Variants in DTYMK observed in about 807,000 individuals in gnomAD.
DTYMK encodes thymidylate kinase.
A neutral mutation model predicts 20.3 loss-of-function variants in DTYMK; 20 were observed. The observed-to-expected ratio is 0.99, with a 90% confidence interval of 0.69 to 1.43. DTYMK has a LOEUF of 1.43. Ranked by LOEUF, DTYMK falls within the 40% of genes most tolerant of loss-of-function variation. DTYMK has a pLI of 0.00. For missense variants in DTYMK, 320 were observed against 291.1 expected, an observed-to-expected ratio of 1.10 and a Z score of -0.72; for synonymous variants, 148 against 124.4, an observed-to-expected ratio of 1.19 and a Z score of -1.27.
intron 4 of DTYMK, among the ~76,000 whole-genome samples, chr2:241,677,018 G>A (rs137914861): frequency 1.1e-3 from 170 of 152,372 alleles, no homozygotes; most frequent in African/African-American, 3.5e-3. Context: ...TGCGAGGAGC[G>A]TGGGGAGGGC....
chr2:241,676,370 G>C (rs533234057), intron 4 of DTYMK, 133 bp from the exon 5 acceptor site: 9 of 770,276 alleles, frequency 1.2e-5, no homozygotes, highest in Admixed American at 5.6e-5. Context: ...AGGAGTTCAA[G>C]ACCAGCCTGG....
Position 241,678,567 on chromosome 2 carries a change from G to A in DTYMK, c.413C>T (p.Ala138Val), listed in dbSNP as rs757118618. The change falls in exon 4 of 5, where the codon GCG (alanine) becomes GTG (valine). Residue 138 changes from alanine (A) to valine (V), a missense_variant. Coordinates refer to ENST00000305784, the MANE Select transcript of DTYMK (RefSeq NM_012145.4). ...AAACGCTCCCCGCTTGGCAGCATCCGCCAGCTGTAACTGGAGGAACAGGAC... is the reference window on the plus strand; with the variant it reads ...AAACGCTCCCCGCTTGGCAGCATCCACCAGCTGTAACTGGAGGAACAGGAC... Reference protein sequence around the residue: ...DLVLFLQLQLADAAKRGAFGH... With the variant: ...DLVLFLQLQLVDAAKRGAFGH... The A allele has an allele frequency of 6.8e-6, 11 of 1,614,076 alleles. No homozygotes were observed. The highest frequency in any genetic ancestry group is 5.3e-5 in the African/African-American group (4 of 74,932).
intron 2 of DTYMK, among the ~76,000 whole-genome samples, chr2:241,683,373 G>A (rs933960222): frequency 6.6e-5 from 10 of 152,258 alleles, no homozygotes; most frequent in Admixed American, 3.3e-4. Context: ...TCCAACCCAA[G>A]GCCCGCAGGC....
chr2:241,679,163 C>A (rs1162775786), intron 3 of DTYMK, among the ~76,000 whole-genome samples: 1 of 152,192 alleles, frequency 6.6e-6, no homozygotes, highest in East Asian at 1.9e-4. Flanking sequence ...ATCCACTGGC[C>A]CTTCTTGCCA....
chr2:241,676,180 C>G lies in DTYMK; in HGVS notation c.586G>C (p.Glu196Gln). The stretch of plus-strand genomic sequence containing the variant: ...TCTGTGGCAGTGCGGATGGCGTCCT[C>G]AGAGAGCACGCGGATGTCCTCATGG... ...AVHEDIRVLSEDAIRTATEKP... is the reference protein window; with the variant it reads ...AVHEDIRVLSQDAIRTATEKP... The change falls in exon 5 of 5, where the codon GAG becomes CAG. Residue 196 changes from glutamate (E) to glutamine (Q), a missense_variant. By Grantham distance (29) the Glu-to-Gln change is conservative (BLOSUM62 2). Transcript: ENST00000305784. The G allele has an allele frequency of 2.5e-6, 4 of 1,613,264 alleles. No homozygotes were observed. Among genetic ancestry groups the G allele is most frequent in the Non-Finnish European group, 3.4e-6 (4 of 1,179,758 alleles).
At chr2:241,684,704 G>C (rs934547005) in intron 2 of DTYMK, 1 of 461,462 alleles carries the variant, frequency 2.2e-6, no homozygotes, top group Non-Finnish European at 4.5e-6. Flanking sequence ...TAAAAACATT[G>C]AAAGAACACA....
In DTYMK at chr2:241,685,292, G is replaced by A. The variant is rs35253177; in HGVS notation, c.239+477C>T. On this transcript the variant is annotated intron_variant, in intron 2 of 4. Coordinates refer to ENST00000305784, the MANE Select transcript of DTYMK (RefSeq NM_012145.4). ...CGAGGCGAGTGGATCACAAGGTCAAGAGAGACCATCCTGGCCAACATGGTG... is the reference window on the plus strand; with the variant it reads ...CGAGGCGAGTGGATCACAAGGTCAAAAGAGACCATCCTGGCCAACATGGTG... 1.1e-3 allele frequency: 176 copies of A among 153,946 alleles called. 1 individual carries two copies. The East Asian group carries it at 0.023, about 20-fold the overall frequency. The allele number at this position is 153,946 out of a possible 1,614,324, so 9.5% of individuals were successfully genotyped here. A position where few individuals can be genotyped will look rare whatever the true frequency, so the allele number is the denominator to read the frequency against.
In DTYMK at chr2:241,679,164, C is replaced by T. The variant is rs201170607; in HGVS notation, c.331-515G>A. Among the ~76,000 whole-genome samples, 10 of 152,332 alleles carry T rather than the reference C, an allele frequency of 6.6e-5. No homozygotes were observed. The East Asian group carries it at 1.5e-3, about 24-fold the overall frequency. On this transcript the variant is annotated intron_variant, in intron 3 of 4. Transcript: ENST00000305784. ...GCCAGCCTAGTCTCATCCACTGGCC[C>T]TTCTTGCCAGGGCTGTGCCAGCACC...
In DTYMK at chr2:241,685,413, G is replaced by C. The variant is rs527580302; in HGVS notation, c.239+356C>G. The C allele has an allele frequency of 4.6e-5, 8 of 173,218 alleles. No individual in the cohort carries two copies. The South Asian group carries it at 1.4e-3, about 31-fold the overall frequency. 10.7% of individuals were successfully genotyped at this position (173,218 alleles called of 1,614,324 possible). The stretch of plus-strand genomic sequence containing the variant: ...CTGAGCATGCTGGGGCGCGCCTGTA[G>C]TCCCAGCTACTCGGGAGGCTGACGC... On this transcript the variant is annotated intron_variant, in intron 2 of 4. Transcript: ENST00000305784.
intron 4 of DTYMK, among the ~76,000 whole-genome samples, chr2:241,677,779 G>A (rs1481777182): frequency 5.9e-5 from 9 of 152,380 alleles, no homozygotes; most frequent in Admixed American, 2.6e-4. Context: ...GCAGCACACA[G>A]CACCCTCCTG....
At chr2:241,680,608 G>C (rs959711870) in intron 2 of DTYMK, among the ~76,000 whole-genome samples, 4 of 151,580 alleles carry the variant, frequency 2.6e-5, no homozygotes, top group African/African-American at 9.7e-5. Context: ...AGGAGGTGGA[G>C]GTTGCAGTGA....
chr2:241,678,756 T>C (rs4675905), intron 3 of DTYMK, 107 bp from the exon 4 acceptor site: 290,936 of 1,260,546 alleles, frequency 0.23, 34,523 homozygotes, highest in East Asian at 0.27. Context: ...GGTACCAAGA[T>C]GTGAGACTGT....
At chr2:241,686,362 C>T (rs2069403650) in intron 1 of DTYMK, among the ~76,000 whole-genome samples, 1 of 152,212 alleles carries the variant, frequency 6.6e-6, no homozygotes, top group Non-Finnish European at 1.5e-5. Flanking sequence ...ATCACCATAC[C>T]CCGCACTTAA....
chr2:241,686,371 A>G (rs2069404484), intron 1 of DTYMK, among the ~76,000 whole-genome samples: 1 of 152,190 alleles, frequency 6.6e-6, no homozygotes, highest in Non-Finnish European at 1.5e-5. Context: ...CCCCGCACTT[A>G]AAGACACGCA....
In DTYMK at chr2:241,686,553, G is replaced by C. The variant is rs1015233151; in HGVS notation, c.130+101C>G. 20 of 1,380,236 alleles carry C rather than the reference G, an allele frequency of 1.4e-5. No homozygotes were observed. In the African/African-American group the frequency reaches 2.8e-4, roughly 19 times the overall value. 85.5% of individuals were successfully genotyped at this position (1,380,236 alleles called of 1,614,324 possible). A position where few individuals can be genotyped will look rare whatever the true frequency, so the allele number is the denominator to read the frequency against. The stretch of plus-strand genomic sequence containing the variant: ...CGTCTTTCAAAATAAAAACCGCACA[G>C]TTCACAGCACGCCAGCCGCAGACAA... On this transcript the variant is annotated intron_variant, in intron 1 of 4. Transcript: ENST00000305784.
At chr2:241,678,684 G>C in intron 3 of DTYMK, 35 bp from the exon 4 acceptor site, 1 of 1,602,896 alleles carries the variant, frequency 6.2e-7, no homozygotes, top group South Asian at 1.1e-5. Context: ...AAAGCTTAGT[G>C]TAGTCTAGGT....
chr2:241,685,655 A>C, intron 2 of DTYMK, 114 bp downstream of exon 2: 1 of 1,137,338 alleles, frequency 8.8e-7, no homozygotes, highest in Non-Finnish European at 1.3e-6. Context: ...AAACAGAAGA[A>C]CATCAGGCCC....
In DTYMK at chr2:241,676,095, A is replaced by G. The variant is rs1233744822; in HGVS notation, c.*32T>C. On this transcript the variant is annotated 3_prime_UTR_variant, in exon 5 of 5. Transcript: ENST00000305784. The stretch of plus-strand genomic sequence containing the variant: ...AGTCTCCCACCTCTCGGGGGACTGC[A>G]GGGAGAGGCGTCTCCAGTGGGCAGC... 1 of 1,575,882 alleles carries G rather than the reference A, an allele frequency of 6.3e-7. No individual in the cohort carries two copies. The highest frequency in any genetic ancestry group is 1.1e-5 in the South Asian group (1 of 88,498).
intron 2 of DTYMK, among the ~76,000 whole-genome samples, chr2:241,684,257 C>T (rs530051707): frequency 6.6e-5 from 10 of 152,288 alleles, no homozygotes; most frequent in East Asian, 3.9e-4. Flanking sequence ...TGGGCATATA[C>T]GTGTTTCATC....
Sources: gnomAD v4.1 joint callset for allele counts (sites outside exome capture counted in the v4.1 genomes callset) on GRCh38, gnomAD v4.1.1 for gene constraint, MANE v1.5 for transcripts, NCBI Gene and HGNC (gene_info 2026-07-23, HGNC 2026-07-21) for gene names.